Variants in TTC28 observed in about 807,000 individuals in gnomAD.
The protein encoded by TTC28 is tetratricopeptide repeat domain 28.
In TTC28, 61 loss-of-function variants were observed where a neutral mutation model predicts 198.0. The observed-to-expected ratio is 0.31, with a 90% CI of 0.25 to 0.38. TTC28 has a LOEUF of 0.38. Among genes scored for constraint, TTC28 ranks in the 10% least tolerant of loss-of-function variants. The probability of loss-of-function intolerance (pLI) is 1.00; values close to 1 mark genes in which losing one functional copy is unlikely to be tolerated. For synonymous variants in TTC28, 1,171 were observed against 1,297.8 expected (o/e 0.90, Z 2.10); for missense variants, 2,678 against 3,164.0 (o/e 0.85, Z 3.69).
intron 17 of TTC28, among the ~76,000 whole-genome samples, chr22:27,995,454 G>A (rs1937534893): frequency 6.6e-6 from 1 of 152,190 alleles, no homozygotes; most frequent in Non-Finnish European, 1.5e-5. Context: ...GAGGTAGAAG[G>A]ATGAAACAAG....
rs1013731078 is a variant in TTC28, at chr22:28,531,135, C to T, written c.381+98417G>A. Among the ~76,000 whole-genome samples, 5 of 152,214 alleles carry T rather than the reference C, an allele frequency of 3.3e-5. No homozygotes were observed. In the South Asian group the frequency reaches 8.3e-4, roughly 25 times the overall value. On this transcript the variant is annotated intron_variant, in intron 2 of 22. Transcript: ENST00000397906. ...TGGCAAACTGGATGAAGAGTCAAGACCCATCAGTGTGCTATATTCAGGAGA... is the reference window on the plus strand; with the variant it reads ...TGGCAAACTGGATGAAGAGTCAAGATCCATCAGTGTGCTATATTCAGGAGA...
At chr22:28,475,491 T>A (rs2048151863) in intron 2 of TTC28, among the ~76,000 whole-genome samples, 1 of 152,140 alleles carries the variant, frequency 6.6e-6, no homozygotes, top group African/African-American at 2.4e-5. Flanking sequence ...AGGAATCCAT[T>A]TTTTTCCCTC....
At chr22:28,218,267 T>C (rs1227698136) in intron 5 of TTC28, among the ~76,000 whole-genome samples, 3 of 152,226 alleles carry the variant, frequency 2.0e-5, no homozygotes, top group Non-Finnish European at 4.4e-5. Context: ...TGGAAAATAT[T>C]GTTCAGTAAG....
At chr22:28,501,892 T>C (rs959553913) in intron 2 of TTC28, among the ~76,000 whole-genome samples, 3 of 152,196 alleles carry the variant, frequency 2.0e-5, no homozygotes, top group African/African-American at 7.2e-5. Flanking sequence ...TTTTTATACC[T>C]ATTCTCTTTT....
intron 5 of TTC28, among the ~76,000 whole-genome samples, chr22:28,170,980 C>CTTTTT (rs76585422): frequency 7.5e-6 from 1 of 132,800 alleles, no homozygotes; most frequent in African/African-American, 2.8e-5. Flanking sequence ...GCCACTCATT[C>CTTTTT]TTTTTTTTTT....
chr22:28,241,293 T>C (rs1929636745), intron 5 of TTC28, among the ~76,000 whole-genome samples: 1 of 152,096 alleles, frequency 6.6e-6, no homozygotes. Flanking sequence ...GAATATTCTA[T>C]AAAATAAATG....
intron 15 of TTC28, chr22:28,000,143 TC>T (rs1299753401): frequency 6.6e-6 from 1 of 152,210 alleles, no homozygotes; most frequent in East Asian, 1.9e-4. Context: ...CCAGCTCGCT[TC>T]CTATCTGGGA....
At chr22:28,639,133 C>A (rs1201312113) in intron 1 of TTC28, among the ~76,000 whole-genome samples, 1 of 152,174 alleles carries the variant, frequency 6.6e-6, no homozygotes, top group Non-Finnish European at 1.5e-5. Context: ...ATAATAGCAT[C>A]ATTTGTATTA....
At chr22:28,196,685 A>G (rs1925377602) in intron 5 of TTC28, among the ~76,000 whole-genome samples, 1 of 152,240 alleles carries the variant, frequency 6.6e-6, no homozygotes, top group Non-Finnish European at 1.5e-5. Context: ...AACACATGAA[A>G]AAATGCTCAT....
intron 5 of TTC28, among the ~76,000 whole-genome samples, chr22:28,281,585 A>AT (rs1386003425): frequency 6.6e-6 from 1 of 152,128 alleles, no homozygotes; most frequent in Non-Finnish European, 1.5e-5. Context: ...GTTTCACTGA[A>AT]TATCTTTTTT....
intron 5 of TTC28, among the ~76,000 whole-genome samples, chr22:28,230,150 GT>G (rs1438197218): frequency 1.3e-5 from 2 of 152,196 alleles, no homozygotes; most frequent in African/African-American, 2.4e-5. Flanking sequence ...GCAGTGAAAG[GT>G]AACAAAATCT....
chr22:28,527,316 C>G (rs1286524193), intron 2 of TTC28, among the ~76,000 whole-genome samples: 1 of 152,170 alleles, frequency 6.6e-6, no homozygotes, highest in Non-Finnish European at 1.5e-5. Context: ...CTTCCTGATG[C>G]CACAGCCATA....
At chr22:28,448,205 T>G (rs545876935) in intron 2 of TTC28, among the ~76,000 whole-genome samples, 13 of 152,224 alleles carry the variant, frequency 8.5e-5, no homozygotes, top group Non-Finnish European at 1.8e-4. Context: ...CATAGCACTT[T>G]GCAGATCACT....
At chr22:28,050,686 T>C (rs1940055412) in intron 12 of TTC28, among the ~76,000 whole-genome samples, 1 of 152,164 alleles carries the variant, frequency 6.6e-6, no homozygotes, top group South Asian at 2.1e-4. Flanking sequence ...ATACAAGTTA[T>C]ATTAAAAAGC....
At chr22:28,188,073 C>T (rs1241958104) in intron 5 of TTC28, among the ~76,000 whole-genome samples, 1 of 152,176 alleles carries the variant, frequency 6.6e-6, no homozygotes, top group African/African-American at 2.4e-5. Flanking sequence ...GGCATCTGCT[C>T]CAAACTCGCT....
intron 5 of TTC28, among the ~76,000 whole-genome samples, chr22:28,164,636 C>T (rs1230453769): frequency 2.0e-5 from 3 of 152,248 alleles, no homozygotes; most frequent in South Asian, 2.1e-4. Flanking sequence ...CAACAAAAAC[C>T]CATCTCCACG....
At chr22:28,030,560 C>T (rs560470761) in intron 12 of TTC28, among the ~76,000 whole-genome samples, 194 bp from the exon 13 acceptor site, 2 of 152,316 alleles carry the variant, frequency 1.3e-5, no homozygotes, top group East Asian at 3.9e-4. Context: ...CACTGCTTCT[C>T]AAGATGAACT....
chr22:28,584,656 T>C (rs927206891), intron 2 of TTC28, among the ~76,000 whole-genome samples: 1 of 152,254 alleles, frequency 6.6e-6, no homozygotes, highest in Admixed American at 6.5e-5. Flanking sequence ...TAGCCACATA[T>C]ATCTAGCACC....
At chr22:28,457,520 G>A (rs534656652) in intron 2 of TTC28, among the ~76,000 whole-genome samples, 1 of 152,242 alleles carries the variant, frequency 6.6e-6, no homozygotes, top group East Asian at 1.9e-4. Context: ...ATGAAGCACG[G>A]TCATAGCTCA....
Sources: gnomAD v4.1 joint callset for allele counts (sites outside exome capture counted in the v4.1 genomes callset) on GRCh38, gnomAD v4.1.1 for gene constraint, MANE v1.5 for transcripts, NCBI Gene and HGNC (gene_info 2026-07-23, HGNC 2026-07-21) for gene names.